The following CPNE5 variants were observed in gnomAD, a reference collection of about 807,000 sequenced individuals.
CPNE5 encodes copine 5, also known as copine-5.
CPNE5 carries 42 observed loss-of-function variants against 81.1 expected under a neutral mutation model. The ratio of observed to expected loss-of-function variants is 0.52; its 90% CI spans 0.40 to 0.67. The LOEUF is 0.67. CPNE5 is among the 30% of genes least tolerant of loss of function. CPNE5 has a pLI of 0.00. For synonymous variants in CPNE5, 313 were observed against 321.5 expected (o/e 0.97, Z 0.28); for missense variants, 612 against 815.5 (o/e 0.75, Z 3.04).
chr6:36,816,415 G>A lies in CPNE5; in HGVS notation c.183+5699C>T, dbSNP rs117183967. Among the ~76,000 whole-genome samples, 34 of 152,304 alleles carry A rather than the reference G, an allele frequency of 2.2e-4. No individual in the cohort carries two copies. The East Asian group carries it at 5.6e-3, about 25-fold the overall frequency. ...AAATGGTTAAAACCAGCTGAAAGCC[G>A]GCAGCCAGGGGCCACGAGAGCAGAT... On this transcript the variant is annotated intron_variant, in intron 3 of 20. Coordinates refer to ENST00000244751, the MANE Select transcript of CPNE5 (RefSeq NM_020939.2).
chr6:36,806,156 G>A (rs1770572597), intron 3 of CPNE5, among the ~76,000 whole-genome samples: 1 of 152,164 alleles, frequency 6.6e-6, no homozygotes, highest in Admixed American at 6.5e-5. Context: ...TCTTGGGGCT[G>A]GCGGTTGGGC....
At chr6:36,747,051 C>T (rs1465609942) in intron 15 of CPNE5, among the ~76,000 whole-genome samples, 2 of 152,160 alleles carry the variant, frequency 1.3e-5, no homozygotes, top group Non-Finnish European at 1.5e-5. Context: ...ACCAGCCCCT[C>T]GCCATTCCCA....
chr6:36,804,869 A>C (rs1036214433), intron 3 of CPNE5, among the ~76,000 whole-genome samples: 1 of 152,244 alleles, frequency 6.6e-6, no homozygotes, highest in African/African-American at 2.4e-5. Context: ...GAAAGGGGGC[A>C]CATGAGCTAG....
chr6:36,763,254 G>A (rs373550404), intron 11 of CPNE5, among the ~76,000 whole-genome samples: 10 of 152,346 alleles, frequency 6.6e-5, no homozygotes, highest in African/African-American at 2.2e-4. Flanking sequence ...TTGAACAAGG[G>A]TATTTGGGGG....
chr6:36,783,378 TAAAA>T (rs36056853), intron 8 of CPNE5, among the ~76,000 whole-genome samples: 57 of 118,464 alleles, frequency 4.8e-4, no homozygotes, highest in Admixed American at 8.4e-4. Flanking sequence ...GCAGTAAAAG[TAAAA>T]AAAAAAAAAA....
chr6:36,759,923 A>G (rs554988494), intron 12 of CPNE5, among the ~76,000 whole-genome samples: 1 of 152,122 alleles, frequency 6.6e-6, no homozygotes, highest in Non-Finnish European at 1.5e-5. Flanking sequence ...ATTTACATGC[A>G]CAGCCAGGCG....
chr6:36,826,927 T>C (rs1229586430), intron 1 of CPNE5, among the ~76,000 whole-genome samples: 1 of 152,168 alleles, frequency 6.6e-6, no homozygotes, highest in Non-Finnish European at 1.5e-5. Flanking sequence ...TCAGGGCTGC[T>C]GTGGAGATTC....
At chr6:36,756,931 C>G (rs532192455) in intron 12 of CPNE5, among the ~76,000 whole-genome samples, 2 of 152,322 alleles carry the variant, frequency 1.3e-5, no homozygotes, top group East Asian at 1.9e-4. Flanking sequence ...GCGGTCTCAA[C>G]CAGGGGCGAT....
At chr6:36,763,605 A>T (rs1486567134) in intron 11 of CPNE5, among the ~76,000 whole-genome samples, 1 of 33,764 alleles carries the variant, frequency 3.0e-5, no homozygotes, top group Admixed American at 3.4e-4. Flanking sequence ...TCTATCTCAA[A>T]AAAAAAAAAA....
At chr6:36,816,905 A>T (rs1430473022) in intron 3 of CPNE5, among the ~76,000 whole-genome samples, 4 of 152,132 alleles carry the variant, frequency 2.6e-5, no homozygotes, top group Non-Finnish European at 5.9e-5. Context: ...CAGCCTCCCA[A>T]GTATCTGGGA....
Position 36,821,957 on chromosome 6 carries a change from C to T in CPNE5, c.183+157G>A, listed in dbSNP as rs371078949. On this transcript the variant is annotated intron_variant, in intron 3 of 20. Coordinates refer to ENST00000244751, the MANE Select transcript of CPNE5 (RefSeq NM_020939.2). ...CATCTTCAGTCTGTTCATGCAACAA[C>T]AGGGATGGGACTTCATGCTTTGCAC... Among the ~76,000 whole-genome samples the T allele has an allele frequency of 1.5e-3, 235 of 152,310 alleles. 2 individuals are homozygous for T. Among genetic ancestry groups the T allele is most frequent in the African/African-American group, 5.3e-3 (220 of 41,562 alleles).
At chr6:36,745,838 G>C (rs1292164229) in intron 16 of CPNE5, among the ~76,000 whole-genome samples, 1 of 152,176 alleles carries the variant, frequency 6.6e-6, no homozygotes, top group Non-Finnish European at 1.5e-5. Flanking sequence ...AGCAACTCAG[G>C]AAGGACCTGT....
intron 18 of CPNE5, 36 bp from the exon 19 acceptor site, chr6:36,744,361 C>A (rs370381809): frequency 2.0e-6 from 3 of 1,532,490 alleles, no homozygotes; most frequent in Non-Finnish European, 1.8e-6. Flanking sequence ...AAAGGTTGGA[C>A]CCAATTGGGA....
At chr6:36,797,422 G>T (rs1769688833) in intron 6 of CPNE5, among the ~76,000 whole-genome samples, 1 of 152,242 alleles carries the variant, frequency 6.6e-6, no homozygotes, top group South Asian at 2.1e-4. Flanking sequence ...AAAGTGTGAG[G>T]GTGGCCGTCC....
chr6:36,809,963 C>A (rs1770951129), intron 3 of CPNE5, among the ~76,000 whole-genome samples: 1 of 151,790 alleles, frequency 6.6e-6, no homozygotes, highest in Non-Finnish European at 1.5e-5. Flanking sequence ...CTCCAATGAC[C>A]CCGTGACAAT....
intron 8 of CPNE5, among the ~76,000 whole-genome samples, chr6:36,781,139 G>T (rs542852212): frequency 5.3e-5 from 8 of 152,282 alleles, no homozygotes; most frequent in Non-Finnish European, 1.0e-4. Flanking sequence ...AGCACGGGTG[G>T]TGCTGGAGAC....
At chr6:36,827,527 G>A (rs1378272250) in intron 1 of CPNE5, 20 of 985,248 alleles carry the variant, frequency 2.0e-5, no homozygotes, top group Middle Eastern at 5.2e-4. Context: ...GATGGCAGCC[G>A]TCCAAATACC....
upstream of CPNE5, chr6:36,839,669 G>C (rs1773851096): frequency 2.6e-6 from 1 of 386,024 alleles, no homozygotes; most frequent in African/African-American, 2.1e-5. The surrounding 1 kb of genome is among the most constrained non-coding windows in gnomAD (Gnocchi z 7.3). Context: ...GGCAGAGAGG[G>C]GCGCGGGGAG....
At chr6:36,808,848 G>C (rs1770839108) in intron 3 of CPNE5, among the ~76,000 whole-genome samples, 1 of 152,240 alleles carries the variant, frequency 6.6e-6, no homozygotes, top group Non-Finnish European at 1.5e-5. Context: ...AGTAAATTAA[G>C]ATAAGGCTCA....
Sources: gnomAD v4.1 joint callset for allele counts (sites outside exome capture counted in the v4.1 genomes callset) on GRCh38, gnomAD v4.1.1 for gene constraint, Gnocchi (gnomAD v3.1) non-coding constraint, MANE v1.5 for transcripts, NCBI Gene and HGNC (gene_info 2026-07-23, HGNC 2026-07-21) for gene names.